Variants in TSC22D2 observed in about 807,000 individuals in gnomAD.
The protein encoded by TSC22D2 is TSC22 domain family member 2, also known as TSC22 domain family protein 2.
A neutral mutation model predicts 50.1 loss-of-function variants in TSC22D2; 5 were observed. The ratio of observed to expected loss-of-function variants is 0.10; its 90% CI spans 0.05 to 0.21. The LOEUF (loss-of-function observed/expected upper bound fraction) is 0.21, where lower values mean the gene tolerates loss of function less well. TSC22D2 is among the 10% of genes least tolerant of loss of function. The pLI is 1.00. For missense variants in TSC22D2, 1,003 were observed against 1,015.5 expected (o/e 0.99, Z 0.17); for synonymous variants, 501 against 450.1 (o/e 1.11, Z -1.43).
intron 1 of TSC22D2, among the ~76,000 whole-genome samples, chr3:150,421,625 A>G (rs931005166): frequency 2.0e-5 from 3 of 152,206 alleles, no homozygotes; most frequent in African/African-American, 4.8e-5. Context: ...AAATACACGT[A>G]TTAGTCTCCT....
In TSC22D2 at chr3:150,462,360, G is replaced by GT. The variant is rs1282877491; in HGVS notation, c.*3728dup. On this transcript the variant is annotated 3_prime_UTR_variant, in exon 3 of 3. Transcript: ENST00000688009. ...GAAAGCAAGAATGATTTATTGAATG[G>GT]TTTTAAGCAATGGGATACTATGCTC... is the stretch of plus-strand genomic sequence containing the variant. The GT allele has an allele frequency of 6.6e-6, 1 of 152,214 alleles. No homozygotes were observed. Among genetic ancestry groups the GT allele is most frequent in the Non-Finnish European group, 1.5e-5 (1 of 68,058 alleles). The allele number at this position is 152,214 out of a possible 1,614,324, so 9.4% of individuals were successfully genotyped here.
At position 150,410,324 on chromosome 3, in the gene TSC22D2, C is replaced by G; in HGVS notation, c.974C>G (p.Pro325Arg). The G allele has an allele frequency of 6.3e-7, 1 of 1,578,598 alleles. No homozygotes were observed. Among genetic ancestry groups the G allele is most frequent in the Admixed American group, 1.8e-5 (1 of 56,556 alleles). The stretch of plus-strand genomic sequence containing the variant: ...GCGGGGCCCGGGGGACAGACTCTGC[C>G]GCCGACGAATGTAACCCTGGCGCAG... ...QGAGPGGQTL[P>R]PTNVTLAQPA... The change falls in exon 1 of 3, where the codon CCG becomes CGG. Residue 325 changes from proline to arginine, a missense_variant. Pro to Arg is a moderately radical substitution (Grantham distance 103). Around this residue, in one of 6 missense-constraint regions of TSC22D2, gnomAD observed 696 missense variants for 647.8 expected, o/e 1.07. Transcript: ENST00000688009.
chr3:150,464,652 G>A lies in TSC22D2; in HGVS notation c.*6016G>A, dbSNP rs1721504693. 6.6e-6 allele frequency: 1 copy of A among 152,084 alleles called. No homozygotes were observed. The highest frequency in any genetic ancestry group is 6.6e-5 in the Admixed American group (1 of 15,252). 9.4% of individuals were successfully genotyped at this position (152,084 alleles called of 1,614,324 possible). A position where few individuals can be genotyped will look rare whatever the true frequency, so the allele number is the denominator to read the frequency against. Reference sequence around the variant, plus strand: ...AATGAAAGGTTTTTATAAATCAACAGTAATATTGCCATCCCATGTAAAAAT... The same window carrying A: ...AATGAAAGGTTTTTATAAATCAACAATAATATTGCCATCCCATGTAAAAAT... On this transcript the variant is annotated 3_prime_UTR_variant, in exon 3 of 3. Transcript: ENST00000688009.
At chr3:150,447,360 T>C (rs1300607276) in intron 1 of TSC22D2, among the ~76,000 whole-genome samples, 1 of 152,186 alleles carries the variant, frequency 6.6e-6, no homozygotes, top group Non-Finnish European at 1.5e-5. Flanking sequence ...TGCAAGTTTG[T>C]TTTCTCCTAT....
intron 1 of TSC22D2, among the ~76,000 whole-genome samples, chr3:150,421,451 A>T (rs1344673037): frequency 6.6e-6 from 1 of 152,224 alleles, no homozygotes; most frequent in Non-Finnish European, 1.5e-5. Context: ...AATACATCTT[A>T]AGAGGATGTA....
rs772080280 is a variant in TSC22D2, at chr3:150,410,487, G to A, written c.1137G>A (p.Glu379=). 1 of 1,606,304 alleles carries A rather than the reference G, an allele frequency of 6.2e-7. No homozygotes were observed. The highest frequency in any genetic ancestry group is 8.5e-7 in the Non-Finnish European group (1 of 1,177,484). ...LLPVQPSGQS[E]YLQQHVAGLQ... is the part of the protein sequence containing the mutation. ...CCGTCCAGCCCTCCGGCCAGAGTGA[G>A]TACCTGCAGCAGCACGTGGCCGGCC... The change falls in exon 1 of 3, where the codon GAG becomes GAA. Residue 379 remains glutamate (E), a synonymous_variant. Transcript: ENST00000688009.
At chr3:150,431,224 C>CAAAAAAAAAAAAAAAAAAAAA (rs71138443) in intron 1 of TSC22D2, among the ~76,000 whole-genome samples, 2 of 27,970 alleles carry the variant, frequency 7.2e-5, no homozygotes, top group African/African-American at 3.3e-4. Flanking sequence ...GGCTCTGTCT[C>CAAAAAAAAAAAAAAAAAAAAA]AAAAAAAAAA....
rs925410602 is a variant in TSC22D2, at chr3:150,466,327, G to A, written c.*7691G>A. The A allele has an allele frequency of 2.6e-5, 4 of 152,044 alleles. No homozygotes were observed. The highest frequency in any genetic ancestry group is 5.9e-5 in the Non-Finnish European group (4 of 68,002). The allele number at this position is 152,044 out of a possible 1,614,324, so 9.4% of individuals were successfully genotyped here. On this transcript the variant is annotated 3_prime_UTR_variant, in exon 3 of 3. Transcript: ENST00000688009. ...AAACTGTCAACAGTAGTTTGGTAGC[G>A]TGCATTAGCTTTAACTGTAATGTTT...
intron 1 of TSC22D2, among the ~76,000 whole-genome samples, chr3:150,450,750 C>G (rs1218281552): frequency 6.6e-6 from 1 of 152,058 alleles, no homozygotes; most frequent in African/African-American, 2.4e-5. Context: ...TTTAACCTCA[C>G]AAGTTTACTG....
intron 1 of TSC22D2, among the ~76,000 whole-genome samples, chr3:150,441,036 T>A (rs1169680319): frequency 3.4e-5 from 5 of 148,994 alleles, no homozygotes; most frequent in East Asian, 3.9e-4. Context: ...AAAAGTCTTT[T>A]TATATATATA....
intron 1 of TSC22D2, among the ~76,000 whole-genome samples, chr3:150,413,697 T>C (rs1235935824): frequency 6.6e-6 from 1 of 151,906 alleles, no homozygotes; most frequent in Non-Finnish European, 1.5e-5. Flanking sequence ...TTGAGGAGAC[T>C]ACTATCTTAA....
rs978544888 is a variant in TSC22D2 at position 150,466,324 on chromosome 3, A to G, written c.*7688A>G. On this transcript the variant is annotated 3_prime_UTR_variant, in exon 3 of 3. Transcript: ENST00000688009. ...ACCAAACTGTCAACAGTAGTTTGGT[A>G]GCGTGCATTAGCTTTAACTGTAATG... is the stretch of plus-strand genomic sequence containing the variant. 8 of 152,174 alleles carry G rather than the reference A, an allele frequency of 5.3e-5. No individual in the cohort carries two copies. Among genetic ancestry groups the G allele is most frequent in the Non-Finnish European group, 8.8e-5 (6 of 68,024 alleles). 9.4% of individuals were successfully genotyped at this position (152,174 alleles called of 1,614,324 possible).
At chr3:150,435,177 C>T (rs1338379144) in intron 1 of TSC22D2, among the ~76,000 whole-genome samples, 1 of 152,012 alleles carries the variant, frequency 6.6e-6, no homozygotes, top group Non-Finnish European at 1.5e-5. Context: ...TGGGGTTTCT[C>T]CATGTTGGTC....
intron 1 of TSC22D2, among the ~76,000 whole-genome samples, chr3:150,447,395 T>TA (rs1720918809): frequency 6.6e-6 from 1 of 152,176 alleles, no homozygotes. Flanking sequence ...ACTGCATTCT[T>TA]ACAACTTTCA....
At chr3:150,430,443 G>A (rs1047687539) in intron 1 of TSC22D2, among the ~76,000 whole-genome samples, 1 of 152,202 alleles carries the variant, frequency 6.6e-6, no homozygotes, top group African/African-American at 2.4e-5. Flanking sequence ...CAACTGATTG[G>A]TCATGATAGG....
At chr3:150,426,486 A>G (rs1291124380) in intron 1 of TSC22D2, among the ~76,000 whole-genome samples, 3 of 152,316 alleles carry the variant, frequency 2.0e-5, no homozygotes, top group Non-Finnish European at 4.4e-5. Context: ...AAGGGTTTAT[A>G]GCAAACAATT....
chr3:150,414,163 T>TA lies in TSC22D2; in HGVS notation c.1958+2856dup, dbSNP rs1212620086. On this transcript the variant is annotated intron_variant, in intron 1 of 2. Transcript: ENST00000688009. ...CAAAAAGTTCTCAATTAGCATTGCC[T>TA]ATTGACTCTACATTATTAATTACCA... Among the ~76,000 whole-genome samples the TA allele has an allele frequency of 3.9e-5, 6 of 152,356 alleles. No homozygotes were observed. In the East Asian group the frequency reaches 1.2e-3, roughly 29 times the overall value.
At chr3:150,454,327 A>G (rs1340748800) in intron 1 of TSC22D2, among the ~76,000 whole-genome samples, 1 of 152,240 alleles carries the variant, frequency 6.6e-6, no homozygotes, top group Non-Finnish European at 1.5e-5. Context: ...TAGTTGTATA[A>G]GACCATAACA....
At chr3:150,419,273 C>T (rs1307218686) in intron 1 of TSC22D2, among the ~76,000 whole-genome samples, 1 of 152,010 alleles carries the variant, frequency 6.6e-6, no homozygotes, top group East Asian at 1.9e-4. Flanking sequence ...CATATTCAGA[C>T]CTTTAACCTA....
Sources: allele counts gnomAD v4.1 joint callset (sites outside exome capture counted in the v4.1 genomes callset), GRCh38; gene constraint gnomAD v4.1.1; regional missense constraint gnomAD v4.1.1; transcripts MANE v1.5; gene names NCBI Gene and HGNC (gene_info 2026-07-23, HGNC 2026-07-21).